Variants in PLCB1 observed in about 807,000 individuals in gnomAD.
PLCB1 encodes phospholipase C beta 1.
PLCB1 carries 46 observed loss-of-function variants against 161.8 expected under a neutral mutation model. The ratio of observed to expected loss-of-function variants is 0.28; its 90% CI spans 0.22 to 0.36. The LOEUF is 0.36. Ranked by LOEUF, PLCB1 falls within the 10% of genes least tolerant of loss-of-function variation. PLCB1 has a pLI of 1.00. For missense variants in PLCB1, 1,016 were observed against 1,472.5 expected, an observed-to-expected ratio of 0.69 and a Z score of 5.07; for synonymous variants, 517 against 503.7, an observed-to-expected ratio of 1.03 and a Z score of -0.35.
At chr20:8,834,116 T>G (rs1228175822) in intron 31 of PLCB1, among the ~76,000 whole-genome samples, 1 of 152,228 alleles carries the variant, frequency 6.6e-6, no homozygotes, top group Non-Finnish European at 1.5e-5. Flanking sequence ...TGCCAGGCAT[T>G]GTTCTGCATG....
intron 2 of PLCB1, among the ~76,000 whole-genome samples, chr20:8,341,886 G>T (rs1985821750): frequency 6.6e-6 from 1 of 151,992 alleles, no homozygotes; most frequent in Admixed American, 6.6e-5. Context: ...GTAAACTGAG[G>T]TTCAAAGAGG....
intron 2 of PLCB1, among the ~76,000 whole-genome samples, chr20:8,218,218 A>C (rs1305101444): frequency 6.6e-6 from 1 of 152,136 alleles, no homozygotes; most frequent in Non-Finnish European, 1.5e-5. Flanking sequence ...TGCTCTTGCA[A>C]GTATGGTTTC....
intron 10 of PLCB1, among the ~76,000 whole-genome samples, chr20:8,691,504 G>T (rs577521484): frequency 5.7e-4 from 86 of 152,178 alleles, no homozygotes; most frequent in Non-Finnish European, 1.1e-3. Context: ...TAAAATAAAA[G>T]GATCAGAGTC....
intron 4 of PLCB1, among the ~76,000 whole-genome samples, chr20:8,639,989 G>T (rs1988892238): frequency 6.6e-6 from 1 of 151,910 alleles, no homozygotes; most frequent in South Asian, 2.1e-4. Context: ...CAAAGACAAA[G>T]AATCGTTCTT....
chr20:8,790,363 G>C (rs6140717), intron 31 of PLCB1, 102 bp downstream of exon 31: 1 of 805,802 alleles, frequency 1.2e-6, no homozygotes, highest in Non-Finnish European at 2.0e-6. Flanking sequence ...CACAGTCTCA[G>C]ATCAGTTCTT....
At chr20:8,463,405 G>A (rs1981678809) in intron 3 of PLCB1, among the ~76,000 whole-genome samples, 1 of 151,360 alleles carries the variant, frequency 6.6e-6, no homozygotes, top group African/African-American at 2.4e-5. Flanking sequence ...TTCTCTTACA[G>A]TCATACTACA....
intron 2 of PLCB1, among the ~76,000 whole-genome samples, chr20:8,259,617 A>G (rs999734742): frequency 6.6e-6 from 1 of 152,112 alleles, no homozygotes; most frequent in African/African-American, 2.4e-5. Context: ...CCCTGTCTCA[A>G]TAAATAAATA....
chr20:8,137,530 C>T (rs2051361475), intron 1 of PLCB1, among the ~76,000 whole-genome samples: 1 of 152,190 alleles, frequency 6.6e-6, no homozygotes, highest in Admixed American at 6.5e-5. Flanking sequence ...CATTGGCAGT[C>T]AATAATTACT....
At chr20:8,826,039 T>C (rs1464965941) in intron 31 of PLCB1, among the ~76,000 whole-genome samples, 19 of 152,150 alleles carry the variant, frequency 1.2e-4, no homozygotes, top group Non-Finnish European at 2.9e-5. Context: ...GACAGCAACG[T>C]TGGACATAGT....
chr20:8,767,867 A>G (rs1376797880), intron 26 of PLCB1, among the ~76,000 whole-genome samples: 2 of 152,170 alleles, frequency 1.3e-5, no homozygotes, highest in African/African-American at 4.8e-5. Flanking sequence ...ATTTTCTCAC[A>G]GTTTTGGAGG....
chr20:8,619,319 T>G (rs1988116204), intron 3 of PLCB1, among the ~76,000 whole-genome samples: 1 of 151,644 alleles, frequency 6.6e-6, no homozygotes, highest in African/African-American at 2.4e-5. Context: ...CTCAGGAGGC[T>G]GAGGCAGGAG....
intron 31 of PLCB1, among the ~76,000 whole-genome samples, chr20:8,848,068 A>G (rs898267197): frequency 6.6e-6 from 1 of 152,164 alleles, no homozygotes; most frequent in Non-Finnish European, 1.5e-5. Context: ...AAGCCTTTCT[A>G]AGGACCTTAA....
intron 2 of PLCB1, among the ~76,000 whole-genome samples, chr20:8,344,995 T>C (rs1985949461): frequency 6.6e-6 from 1 of 152,200 alleles, no homozygotes; most frequent in Non-Finnish European, 1.5e-5. Flanking sequence ...CCCGAGGCAA[T>C]TAAAGGCAGG....
intron 2 of PLCB1, among the ~76,000 whole-genome samples, chr20:8,351,849 G>A (rs186962423): frequency 2.6e-3 from 389 of 152,144 alleles, no homozygotes; most frequent in African/African-American, 9.0e-3. Flanking sequence ...CTAAGTGTTG[G>A]CAAGGATGCA....
intron 3 of PLCB1, among the ~76,000 whole-genome samples, chr20:8,622,008 A>T (rs1264383963): frequency 6.6e-6 from 1 of 152,222 alleles, no homozygotes; most frequent in Admixed American, 6.5e-5. Context: ...GAACAGAGTC[A>T]GCACTTTGGG....
At chr20:8,292,149 A>C (rs569750967) in intron 2 of PLCB1, among the ~76,000 whole-genome samples, 1 of 152,182 alleles carries the variant, frequency 6.6e-6, no homozygotes, top group Non-Finnish European at 1.5e-5. Context: ...AAAGTTCTAG[A>C]AAAACTGAGC....
chr20:8,696,955 G>A (rs866020712), intron 10 of PLCB1, among the ~76,000 whole-genome samples: 2 of 152,248 alleles, frequency 1.3e-5, no homozygotes, highest in Admixed American at 6.5e-5. Context: ...GGATGGTCTC[G>A]ATCTCCTGAC....
intron 9 of PLCB1, among the ~76,000 whole-genome samples, chr20:8,679,696 A>G (rs1035636202): frequency 1.3e-5 from 2 of 152,204 alleles, no homozygotes; most frequent in East Asian, 1.9e-4. Context: ...TACAAACACT[A>G]TGTTTGTTTA....
In PLCB1 at chr20:8,479,584, C is replaced by T. The variant is rs779847231; in HGVS notation, c.246+108134C>T. Among the ~76,000 whole-genome samples, 7 of 152,180 alleles carry T rather than the reference C, an allele frequency of 4.6e-5. No individual in the cohort carries two copies. The South Asian group carries it at 6.2e-4, about 13-fold the overall frequency. Reference sequence around the variant, plus strand: ...CTTTACAACTTAGCCATCTATATTACTCACTTTTATGTCCCTAGCATTGGT... The same window carrying T: ...CTTTACAACTTAGCCATCTATATTATTCACTTTTATGTCCCTAGCATTGGT... On this transcript the variant is annotated intron_variant, in intron 3 of 31. Coordinates refer to ENST00000338037, the MANE Select transcript of PLCB1 (RefSeq NM_015192.4).
Sources: allele counts gnomAD v4.1 joint callset (sites outside exome capture counted in the v4.1 genomes callset), GRCh38; gene constraint gnomAD v4.1.1; transcripts MANE v1.5; gene names NCBI Gene and HGNC (gene_info 2026-07-23, HGNC 2026-07-21).